The following A2M variants were observed in gnomAD, a reference collection of about 807,000 sequenced individuals.
A2M encodes C3 and PZP-like alpha-2-macroglobulin domain-containing protein 5.
A2M carries 128 observed loss-of-function variants against 183.9 expected under a neutral mutation model. The ratio of observed to expected loss-of-function variants is 0.70; its 90% CI spans 0.60 to 0.81. The LOEUF (loss-of-function observed/expected upper bound fraction) is 0.81. Among genes scored for constraint, A2M ranks in the 30% least tolerant of loss-of-function variants. The probability of loss-of-function intolerance (pLI) is 0.00; values close to 1 mark genes in which losing one functional copy is unlikely to be tolerated. For missense variants in A2M, 1,495 were observed against 1,787.6 expected (o/e 0.84, Z 2.95); for synonymous variants, 592 against 670.8 (o/e 0.88, Z 1.81).
chr12:9,109,169 A>G (rs1189383771), intron 7 of A2M, among the ~76,000 whole-genome samples, 152 bp downstream of exon 7: 2 of 152,242 alleles, frequency 1.3e-5, no homozygotes, highest in East Asian at 3.8e-4. Context: ...TAGAAAAGCA[A>G]CAGGAGAATA....
At chr12:9,115,700 A>T (rs1293511155) in intron 1 of A2M, 64 bp downstream of exon 1, 2 of 1,246,104 alleles carry the variant, frequency 1.6e-6, no homozygotes, top group African/African-American at 1.5e-5. Context: ...AATGATATAA[A>T]GAAAAATCTG....
chr12:9,088,806 T>C (rs1644831754), intron 22 of A2M, among the ~76,000 whole-genome samples: 2 of 152,230 alleles, frequency 1.3e-5, no homozygotes, highest in Admixed American at 1.3e-4. Context: ...AATCCCGTTA[T>C]CAAATACTGT....
chr12:9,077,979 T>C (rs1948797388), intron 25 of A2M, 122 bp from the exon 26 acceptor site: 1 of 1,087,474 alleles, frequency 9.2e-7, no homozygotes, highest in Admixed American at 2.2e-5. Context: ...TTAGAGAGCT[T>C]ATCTCCTTGA....
intron 2 of A2M, 105 bp downstream of exon 2, chr12:9,113,255 C>T (rs1399283312): frequency 3.3e-6 from 4 of 1,196,744 alleles, no homozygotes; most frequent in Non-Finnish European, 4.7e-6. Context: ...TGGATTCCTT[C>T]CTGCAGTTCT....
In A2M at chr12:9,077,941, T is replaced by C. The variant is rs1825307447; in HGVS notation, c.3120-84A>G. The C allele has an allele frequency of 2.0e-6, 3 of 1,534,112 alleles. 1 individual carries two copies. The African/African-American group carries it at 4.1e-5, about 21-fold the overall frequency. On this transcript the variant is annotated intron_variant, in intron 25 of 35. Transcript: ENST00000318602. ...TCACAGCAACAGGCTTCATATGATG[T>C]GAGTTAGCTAACAAAATTCTTGTGT...
intron 31 of A2M, among the ~76,000 whole-genome samples, chr12:9,071,008 C>T (rs1352347237): frequency 1.3e-5 from 2 of 151,994 alleles, no homozygotes; most frequent in East Asian, 1.9e-4. Flanking sequence ...TTAGTACAGA[C>T]GGGGTTTCTC....
rs763628304 is a variant in A2M, at chr12:9,085,812, AATT to A, written c.2770+3385_2770+3387del. ...TATATAAAATCAGAAATGAAAGAGAAATTATGGCTGATACCACAGAAATACAAA... is the reference window on the plus strand; with the variant it reads ...TATATAAAATCAGAAATGAAAGAGAAATGGCTGATACCACAGAAATACAAA... On this transcript the variant is annotated intron_variant, in intron 22 of 35. Coordinates refer to ENST00000318602, the MANE Select transcript of A2M (RefSeq NM_000014.6). Among the ~76,000 whole-genome samples, 420 of 152,174 alleles carry A rather than the reference AATT, an allele frequency of 2.8e-3. 2 individuals are homozygous for A. Among genetic ancestry groups the A allele is most frequent in the African/African-American group, 9.7e-3 (402 of 41,550 alleles).
chr12:9,074,560 C>G lies in A2M; in HGVS notation c.3756G>C (p.Gln1252His), dbSNP rs981465421. ...TAAAAGGTTTTGGCAAATCACCAACCTGGGTGGAGGAGAAACCGCCCTGGG... is the reference window on the plus strand; with the variant it reads ...TAAAAGGTTTTGGCAAATCACCAACGTGGGTGGAGGAGAAACCGCCCTGGG... ...QNAQGGFSST[Q>H]DTVVALHALS... Residue 1252 changes from glutamine to histidine, a missense_variant and splice_region_variant, in exon 29 of 36, where the codon CAG (glutamine) becomes CAC (histidine). Physicochemically the swap from Gln to His is conservative, Grantham distance 24 (BLOSUM62 0). Transcript: ENST00000318602. 6.2e-7 allele frequency: 1 copy of G among 1,607,258 alleles called. No homozygotes were observed. The highest frequency in any genetic ancestry group is 8.5e-7 in the Non-Finnish European group (1 of 1,176,550).
Position 9,077,726 on chromosome 12 carries a change from C to T in A2M, c.3251G>A (p.Gly1084Glu), listed in dbSNP as rs1383990725. The change falls in exon 26 of 36, where the codon GGG becomes GAG. Residue 1084 changes from glycine (G) to glutamate (E), a missense_variant. By Grantham distance (98) the Gly-to-Glu change is moderately conservative. Transcript: ENST00000318602. ...CTTTATGGCATTGTTGAGCAGTGAC[C>T]CAGAGCTCCTGAAACAGCCATTGTC... ...QKDNGCFRSSGSLLNNAIKGG... is the reference protein window; with the variant it reads ...QKDNGCFRSSESLLNNAIKGG... 6.2e-7 allele frequency: 1 copy of T among 1,613,940 alleles called. No individual in the cohort carries two copies. The highest frequency in any genetic ancestry group is 2.2e-5 in the East Asian group (1 of 44,882).
intron 14 of A2M, among the ~76,000 whole-genome samples, chr12:9,099,028 C>T (rs10492115): frequency 0.17 from 25,646 of 152,108 alleles, 2,376 homozygotes; most frequent in African/African-American, 0.23. Flanking sequence ...GCAAGGTGCT[C>T]ATTAATTGTG....
intron 4 of A2M, 94 bp from the exon 5 acceptor site, chr12:9,110,428 A>C (rs1938638000): frequency 1.4e-6 from 1 of 705,820 alleles, no homozygotes; most frequent in Admixed American, 3.3e-5. Context: ...CTAGCATAAC[A>C]GGGTGAGTAT....
In A2M at chr12:9,091,666, T is replaced by C. The variant is rs370486633; in HGVS notation, c.2241-237A>G. On this transcript the variant is annotated intron_variant, in intron 18 of 35. Coordinates refer to ENST00000318602, the MANE Select transcript of A2M (RefSeq NM_000014.6). ...CTTTTACAGACAATATAGTTATAAATTTAACATGCAGTTTGAGATTGTTCT... is the reference window on the plus strand; with the variant it reads ...CTTTTACAGACAATATAGTTATAAACTTAACATGCAGTTTGAGATTGTTCT... Among the ~76,000 whole-genome samples, 54 of 152,336 alleles carry C rather than the reference T, an allele frequency of 3.5e-4. 1 individual carries two copies. In the East Asian group the frequency reaches 9.6e-3, roughly 27 times the overall value.
intron 14 of A2M, 133 bp from the exon 15 acceptor site, chr12:9,098,889 T>C: frequency 1.1e-6 from 1 of 940,282 alleles, no homozygotes; most frequent in Non-Finnish European, 1.6e-6. Context: ...TGGCATTGTG[T>C]CAATCCTGAA....
Position 9,110,309 on chromosome 12 carries a change from C to T in A2M, c.504+5G>A. 1 of 1,466,648 alleles carries T rather than the reference C, an allele frequency of 6.8e-7. No homozygotes were observed. The highest frequency in any genetic ancestry group is 9.2e-7 in the Non-Finnish European group (1 of 1,082,826). The allele number at this position is 1,466,648 out of a possible 1,614,324, so 90.9% of individuals were successfully genotyped here. A position where few individuals can be genotyped will look rare whatever the true frequency, so the allele number is the denominator to read the frequency against. ...TTTTAATATGGAATGTTTCATGTTG[C>T]TTACCTGAATGTATACTAGTGGAAT... On this transcript the variant is annotated splice_donor_5th_base_variant and intron_variant, in intron 5 of 35. Transcript: ENST00000318602.
intron 31 of A2M, among the ~76,000 whole-genome samples, chr12:9,070,793 G>A (rs1473665962): frequency 1.3e-5 from 2 of 151,548 alleles, no homozygotes; most frequent in Non-Finnish European, 1.5e-5. Flanking sequence ...TGATGAATCA[G>A]AATGTCTAGT....
At position 9,095,069 on chromosome 12, in the gene A2M, C is replaced by A. The variant is rs1200424533; in HGVS notation, c.2029G>T (p.Ala677Ser). Residue 677 changes from alanine (A) to serine (S), a missense_variant, in exon 17 of 36, where the codon GCA becomes TCA. Ala to Ser is a moderately conservative substitution (Grantham distance 99, BLOSUM62 1). Transcript: ENST00000318602. ...TTACGAATCTTTGAGTTGGTGAATGCCTTTAAGCCCATGTCCTGCAAAGAA... is the reference window on the plus strand; with the variant it reads ...TTACGAATCTTTGAGTTGGTGAATGACTTTAAGCCCATGTCCTGCAAAGAA... ...YSFLEDMGLK[A>S]FTNSKIRKPK... The A allele has an allele frequency of 1.3e-6, 2 of 1,581,956 alleles. No individual in the cohort carries two copies. The highest frequency in any genetic ancestry group is 4.6e-5 in the East Asian group (2 of 43,946).
intron 13 of A2M, among the ~76,000 whole-genome samples, chr12:9,100,427 CTTATTTATTTAT>C (rs376019530): frequency 1.3e-5 from 2 of 151,528 alleles, no homozygotes; most frequent in African/African-American, 4.8e-5. Flanking sequence ...CCCCTTTGTT[CTTATTTATTTAT>C]TTATTTATTT....
chr12:9,098,418 A>G, intron 15 of A2M, 189 bp downstream of exon 15: 1 of 341,836 alleles, frequency 2.9e-6, no homozygotes, highest in South Asian at 1.3e-4. Context: ...TTTTAACTGC[A>G]GAAGTGAGTA....
chr12:9,109,819 T>A, intron 6 of A2M, 48 bp downstream of exon 6: 2 of 1,530,570 alleles, frequency 1.3e-6, no homozygotes, highest in Non-Finnish European at 1.8e-6. Flanking sequence ...GACCTAAGAG[T>A]TTAAATATGA....
Sources: gnomAD v4.1 joint callset for allele counts (sites outside exome capture counted in the v4.1 genomes callset) on GRCh38, gnomAD v4.1.1 for gene constraint, MANE v1.5 for transcripts, NCBI Gene and HGNC (gene_info 2026-07-23, HGNC 2026-07-21) for gene names.